Variants in A4GNT observed in about 807,000 individuals in gnomAD.
A4GNT encodes alpha-1,4-N-acetylglucosaminyltransferase.
A neutral mutation model predicts 8.3 loss-of-function variants in A4GNT; 6 were observed. The observed-to-expected ratio is 0.72, with a 90% CI of 0.39 to 1.42. The LOEUF (loss-of-function observed/expected upper bound fraction) is 1.42. Among genes scored for constraint, A4GNT ranks in the 40% most tolerant of loss-of-function variants. The pLI is 0.02. For missense variants in A4GNT, 377 were observed against 417.0 expected, an observed-to-expected ratio of 0.90 and a Z score of 0.84; for synonymous variants, 157 against 159.8, an observed-to-expected ratio of 0.98 and a Z score of 0.13.
Position 138,124,654 on chromosome 3 carries a change from A to G in A4GNT, c.633T>C (p.Phe211=), listed in dbSNP as rs201383957. 78 of 1,614,250 alleles carry G rather than the reference A, an allele frequency of 4.8e-5. No individual in the cohort carries two copies. The East Asian group carries it at 1.6e-3, about 33-fold the overall frequency. The part of the protein sequence containing the change: ...HPFLWECMEN[F]VEHYNSAIWG... ...AAATGGCTGAATTATAGTGTTCAAC[A>G]AAGTTTTCCATGCATTCCCACAAAA... Residue 211 remains phenylalanine, a synonymous_variant, in exon 3 of 3, where the codon TTT becomes TTC. Transcript: ENST00000236709.
Position 138,130,857 on chromosome 3 carries a change from A to G in A4GNT, c.400T>C (p.Tyr134His). ...TTTCCCTAAACACTTACTTGATTGT[A>G]CCATGAAAACAATGGTGTGTCTTCA... ...LLEDTPLFSW[Y>H]NQINASAERN... The change falls in exon 2 of 3, where the codon TAC (tyrosine) becomes CAC (histidine). Residue 134 changes from tyrosine (Y) to histidine (H), a missense_variant. Tyr to His is a moderately conservative substitution (Grantham distance 83). Coordinates refer to ENST00000236709, the MANE Select transcript of A4GNT (RefSeq NM_016161.3). 1.2e-6 allele frequency: 2 copies of G among 1,613,936 alleles called. No homozygotes were observed. The highest frequency in any genetic ancestry group is 1.7e-6 in the Non-Finnish European group (2 of 1,179,914).
At chr3:138,131,374 C>T in intron 1 of A4GNT, 92 bp from the exon 2 acceptor site, 2 of 1,056,998 alleles carry the variant, frequency 1.9e-6, no homozygotes, top group Non-Finnish European at 2.5e-6. Flanking sequence ...CATTTAAAAA[C>T]TTAAATTTTA....
chr3:138,131,642 T>C (rs2042777574), intron 1 of A4GNT, among the ~76,000 whole-genome samples: 2 of 152,188 alleles, frequency 1.3e-5, no homozygotes, highest in South Asian at 4.1e-4. Context: ...TTATCTTAGA[T>C]TTTAAAATGA....
rs2724691 is a variant in A4GNT at position 138,131,161 on chromosome 3, A to G, written c.96T>C (p.Cys32=). 0.67 allele frequency: 1,072,787 copies of G among 1,611,136 alleles called. 358,847 individuals carry two copies. Among genetic ancestry groups the G allele is most frequent in the Non-Finnish European group, 0.68 (802,968 of 1,178,278 alleles). The change falls in exon 2 of 3, where the codon TGT becomes TGC. Residue 32 remains cysteine, a synonymous_variant. Coordinates refer to ENST00000236709, the MANE Select transcript of A4GNT (RefSeq NM_016161.3). ...QFTLKSSCLF[C]LPSFKSHQGL... ...CCTGGTGGGACTTGAAAGAAGGCAA[A>G]CAGAAGAGGCAGCTGGACTTCAGGG... is the stretch of plus-strand genomic sequence containing the variant.
chr3:138,124,369 T>C lies in A4GNT; in HGVS notation c.918A>G (p.Thr306=). ...EGRAVIRGSN[T]LVENLYRKHC... Reference sequence around the variant, plus strand: ...GCTTGCGATAGAGATTTTCCACCAGTGTGTTGCTTCCTCTAATCACAGCCC... The same window carrying C: ...GCTTGCGATAGAGATTTTCCACCAGCGTGTTGCTTCCTCTAATCACAGCCC... The change falls in exon 3 of 3, where the codon ACA becomes ACG. Residue 306 remains threonine (T), a synonymous_variant. Coordinates refer to ENST00000236709, the MANE Select transcript of A4GNT (RefSeq NM_016161.3). The C allele has an allele frequency of 1.2e-6, 2 of 1,614,210 alleles. No individual in the cohort carries two copies. Among genetic ancestry groups the C allele is most frequent in the Non-Finnish European group, 1.7e-6 (2 of 1,180,044 alleles).
intron 2 of A4GNT, among the ~76,000 whole-genome samples, chr3:138,129,611 TA>T (rs2042764664): frequency 2.0e-5 from 3 of 152,196 alleles, no homozygotes; most frequent in Non-Finnish European, 4.4e-5. Flanking sequence ...GGTAATTTGT[TA>T]CAACAGACGG....
chr3:138,124,950 G>A (rs1005301828), intron 2 of A4GNT, 72 bp from the exon 3 acceptor site: 7 of 1,533,188 alleles, frequency 4.6e-6, no homozygotes, highest in Admixed American at 4.0e-5. Flanking sequence ...AGGAGGCCAG[G>A]CCCAGAGAGG....
chr3:138,124,937 A>G (rs2107884026), intron 2 of A4GNT, 59 bp from the exon 3 acceptor site: 6 of 1,565,270 alleles, frequency 3.8e-6, no homozygotes. Flanking sequence ...GGGGCATCAC[A>G]GCAGGAGGCC....
intron 2 of A4GNT, among the ~76,000 whole-genome samples, chr3:138,125,857 T>G (rs1428233197): frequency 6.6e-6 from 1 of 151,098 alleles, no homozygotes. Context: ...ATGCCATGTC[T>G]GGGAACAAGG....
chr3:138,124,564 G>T lies in A4GNT; in HGVS notation c.723C>A (p.Phe241Leu), dbSNP rs1399749222. The change falls in exon 3 of 3, where the codon TTC becomes TTA. Residue 241 changes from phenylalanine (F) to leucine (L), a missense_variant. Coordinates refer to ENST00000236709, the MANE Select transcript of A4GNT (RefSeq NM_016161.3). ...GACACCTGAGGTCGCTCACCTCCTG[G>T]AAGTCTTCAAGTTTACACCATACCC... ...MLRVWCKLED[F>L]QEVSDLRCLN... The T allele has an allele frequency of 1.9e-6, 3 of 1,614,200 alleles. No individual in the cohort carries two copies. In the Admixed American group the frequency reaches 5.0e-5, roughly 27 times the overall value.
intron 2 of A4GNT, among the ~76,000 whole-genome samples, chr3:138,129,598 G>A (rs1268373392): frequency 5.9e-5 from 9 of 152,138 alleles, no homozygotes; most frequent in Non-Finnish European, 1.3e-4. Context: ...CCACCAGGTT[G>A]GTGGTAATTT....
At position 138,130,802 on chromosome 3, in the gene A4GNT, C is replaced by T. The variant is rs779224340; in HGVS notation, c.408+47G>A. 3.2e-6 allele frequency: 5 copies of T among 1,577,162 alleles called. No individual in the cohort carries two copies. In the Admixed American group the frequency reaches 5.3e-5, roughly 17 times the overall value. On this transcript the variant is annotated intron_variant, in intron 2 of 2. Coordinates refer to ENST00000236709, the MANE Select transcript of A4GNT (RefSeq NM_016161.3). ...GACCTGAGTCCTTACCCTCAGTTTACCCATATATACAATTCGTTGACATTT... is the reference window on the plus strand; with the variant it reads ...GACCTGAGTCCTTACCCTCAGTTTATCCATATATACAATTCGTTGACATTT...
At position 138,124,558 on chromosome 3, in the gene A4GNT, C is replaced by T; in HGVS notation, c.729G>A (p.Glu243=). ...TGTTCAGACACCTGAGGTCGCTCAC[C>T]TCCTGGAAGTCTTCAAGTTTACACC... ...RVWCKLEDFQ[E]VSDLRCLNIS... is the part of the protein sequence containing the mutation. The change falls in exon 3 of 3, where the codon GAG becomes GAA. Residue 243 remains glutamate (E), a synonymous_variant. Transcript: ENST00000236709. The T allele has an allele frequency of 6.2e-7, 1 of 1,614,240 alleles. No individual in the cohort carries two copies. The highest frequency in any genetic ancestry group is 1.1e-5 in the South Asian group (1 of 91,088).
chr3:138,128,822 G>T (rs1380250165), intron 2 of A4GNT, among the ~76,000 whole-genome samples: 1 of 151,866 alleles, frequency 6.6e-6, no homozygotes, highest in Non-Finnish European at 1.5e-5. Flanking sequence ...ACTGTGCAGG[G>T]CAGTGCCACC....
chr3:138,124,928 G>A (rs1187779891), intron 2 of A4GNT, 50 bp from the exon 3 acceptor site: 2 of 1,577,256 alleles, frequency 1.3e-6, no homozygotes, highest in Admixed American at 3.5e-5. Context: ...GAAGAGGGAG[G>A]GGCATCACAG....
intron 2 of A4GNT, among the ~76,000 whole-genome samples, chr3:138,128,817 G>T (rs2042760686): frequency 6.6e-6 from 1 of 151,930 alleles, no homozygotes. Context: ...CTGCCACTGT[G>T]CAGGGCAGTG....
chr3:138,131,153 G>A lies in A4GNT; in HGVS notation c.104C>T (p.Ser35Phe), dbSNP rs2042774446. ...TTCCAGCCCCTGGTGGGACTTGAAA[G>A]AAGGCAAACAGAAGAGGCAGCTGGA... is the stretch of plus-strand genomic sequence containing the variant. ...LKSSCLFCLPSFKSHQGLEAL... is the reference protein window; with the variant it reads ...LKSSCLFCLPFFKSHQGLEAL... The change falls in exon 2 of 3, where the codon TCT becomes TTT. Residue 35 changes from serine (S) to phenylalanine (F), a missense_variant. Transcript: ENST00000236709. 1 of 1,613,522 alleles carries A rather than the reference G, an allele frequency of 6.2e-7. No individual in the cohort carries two copies. The highest frequency in any genetic ancestry group is 8.5e-7 in the Non-Finnish European group (1 of 1,179,646).
rs983751562 is a variant in A4GNT, at chr3:138,124,692, G to T, written c.595C>A (p.Pro199Thr). The T allele has an allele frequency of 2.5e-6, 4 of 1,614,190 alleles. No homozygotes were observed. The highest frequency in any genetic ancestry group is 1.7e-5 in the Admixed American group (1 of 60,016). Residue 199 changes from proline to threonine, a missense_variant, in exon 3 of 3, where the codon CCC becomes ACC. By Grantham distance (38) the Pro-to-Thr change is conservative (BLOSUM62 -1). Coordinates refer to ENST00000236709, the MANE Select transcript of A4GNT (RefSeq NM_016161.3). ...YSSNGIFGFL[P>T]HHPFLWECME... is the part of the protein sequence containing the mutation. ...CATTCCCACAAAAAGGGGTGGTGGG[G>T]GAGGAACCCAAATATTCCATTACTA...
intron 2 of A4GNT, among the ~76,000 whole-genome samples, chr3:138,129,394 A>G (rs1324374971): frequency 2.0e-5 from 3 of 152,184 alleles, no homozygotes; most frequent in Non-Finnish European, 4.4e-5. Context: ...AGATGGAGAC[A>G]GAGACTGGAG....
Sources: gnomAD v4.1 joint callset for allele counts (sites outside exome capture counted in the v4.1 genomes callset) on GRCh38, gnomAD v4.1.1 for gene constraint, MANE v1.5 for transcripts, NCBI Gene and HGNC (gene_info 2026-07-23, HGNC 2026-07-21) for gene names.